PRKN: variants seen among roughly 807,000 people sequenced by gnomAD.
PRKN encodes parkin RBR E3 ubiquitin protein ligase.
In PRKN, 56 loss-of-function variants were observed where a neutral mutation model predicts 59.5. The ratio of observed to expected loss-of-function variants is 0.94; its 90% CI spans 0.76 to 1.18. The LOEUF is 1.18. Ranked by LOEUF, PRKN falls within the 50% of genes most tolerant of loss-of-function variation. The pLI is 0.00. For synonymous variants in PRKN, 250 were observed against 222.1 expected, an observed-to-expected ratio of 1.13 and a Z score of -1.12; for missense variants, 657 against 596.4, an observed-to-expected ratio of 1.10 and a Z score of -1.06.
chr6:162,074,905 A>G (rs1361277645), intron 4 of PRKN, among the ~76,000 whole-genome samples: 3 of 152,232 alleles, frequency 2.0e-5, no homozygotes, highest in African/African-American at 7.2e-5. Flanking sequence ...GGTACATCAC[A>G]GGGATAGCAG....
chr6:161,508,156 T>C (rs1256808787), intron 9 of PRKN, among the ~76,000 whole-genome samples: 1 of 152,214 alleles, frequency 6.6e-6, no homozygotes, highest in Non-Finnish European at 1.5e-5. Flanking sequence ...AATGATTGCA[T>C]GAATAGCTGA....
chr6:162,493,151 C>A lies in PRKN; in HGVS notation c.8-49678G>T, dbSNP rs547838691. On this transcript the variant is annotated intron_variant, in intron 1 of 11. Transcript: ENST00000366898. ...GGCCAGCAGGATAAAAATCAATGGA[C>A]ATTTCTATCGCCAACCTGCTGCAGC... Among the ~76,000 whole-genome samples, 6 of 152,208 alleles carry A rather than the reference C, an allele frequency of 3.9e-5. No individual in the cohort carries two copies. In the East Asian group the frequency reaches 7.7e-4, roughly 20 times the overall value.
At chr6:161,890,426 C>T (rs943306807) in intron 6 of PRKN, among the ~76,000 whole-genome samples, 1 of 152,176 alleles carries the variant, frequency 6.6e-6, no homozygotes, top group African/African-American at 2.4e-5. Context: ...AGATTTCAGA[C>T]TCTGGGGTTC....
At position 162,450,885 on chromosome 6, in the gene PRKN, G is replaced by A. The variant is rs893308187; in HGVS notation, c.8-7412C>T. ...AATTTTAGTTAATAAGAATGTATCA[G>A]CATTCTTTCATTAATGATAACAGAT... On this transcript the variant is annotated intron_variant, in intron 1 of 11. Transcript: ENST00000366898. 4.6e-5 allele frequency among the ~76,000 whole-genome samples: 7 copies of A among 152,256 alleles called. No homozygotes were observed. In the Middle Eastern group the frequency reaches 0.014, roughly 296 times the overall value.
intron 1 of PRKN, among the ~76,000 whole-genome samples, chr6:162,720,227 A>AT (rs1778882144): frequency 6.6e-6 from 1 of 152,114 alleles, no homozygotes; most frequent in South Asian, 2.1e-4. Context: ...CTAATCACCA[A>AT]TTTTCCCCCT....
intron 2 of PRKN, 33 bp downstream of exon 2, chr6:162,443,277 G>T: frequency 6.2e-7 from 1 of 1,610,054 alleles, no homozygotes; most frequent in Non-Finnish European, 8.5e-7. Context: ...GGAGCTGGCG[G>T]CATCCCAAGA....
At chr6:161,515,498 A>G (rs12527036) in intron 9 of PRKN, among the ~76,000 whole-genome samples, 5,462 of 152,300 alleles carry the variant, frequency 0.036, 140 homozygotes, top group Non-Finnish European at 0.052. Context: ...TGCTTAGGCT[A>G]TGAGAAGCTG....
At chr6:162,558,701 T>G (rs9458590) in intron 1 of PRKN, among the ~76,000 whole-genome samples, 4 of 150,630 alleles carry the variant, frequency 2.7e-5, no homozygotes, top group African/African-American at 9.8e-5. Flanking sequence ...TGCAGTGGAG[T>G]GATCTTAGCC....
At chr6:162,158,875 T>C (rs1007529181) in intron 4 of PRKN, among the ~76,000 whole-genome samples, 3 of 152,022 alleles carry the variant, frequency 2.0e-5, no homozygotes, top group African/African-American at 7.3e-5. Context: ...ATTCCACCCC[T>C]GTAGCTAGTG....
intron 3 of PRKN, among the ~76,000 whole-genome samples, chr6:162,235,166 G>A (rs1778596373): frequency 6.6e-6 from 1 of 152,112 alleles, no homozygotes; most frequent in Non-Finnish European, 1.5e-5. Context: ...AAAATATGAA[G>A]AACCAAAACT....
At chr6:161,814,296 C>T (rs952145507) in intron 6 of PRKN, among the ~76,000 whole-genome samples, 10 of 152,150 alleles carry the variant, frequency 6.6e-5, no homozygotes, top group Non-Finnish European at 1.3e-4. Flanking sequence ...AACGGTGCCA[C>T]CTGAAGCATA....
intron 1 of PRKN, among the ~76,000 whole-genome samples, chr6:162,490,576 TTTTTC>T (rs1361678245): frequency 6.6e-5 from 10 of 152,204 alleles, no homozygotes; most frequent in African/African-American, 2.4e-4. Context: ...TATTCTACCT[TTTTTC>T]TTTAAGAAAA....
chr6:161,572,824 C>T (rs1009016998), intron 7 of PRKN, among the ~76,000 whole-genome samples: 1 of 152,130 alleles, frequency 6.6e-6, no homozygotes, highest in Non-Finnish European at 1.5e-5. Flanking sequence ...CTAGAGACCA[C>T]GGAGACTTGC....
intron 1 of PRKN, among the ~76,000 whole-genome samples, chr6:162,461,490 A>G (rs1341495632): frequency 2.8e-5 from 3 of 106,114 alleles, no homozygotes; most frequent in African/African-American, 1.0e-4. Context: ...GGACAGAGTT[A>G]AAGTGTCTCA....
chr6:161,586,870 A>G (rs1781540244), intron 7 of PRKN, among the ~76,000 whole-genome samples: 1 of 152,250 alleles, frequency 6.6e-6, no homozygotes, highest in Admixed American at 6.5e-5. Flanking sequence ...CAGAGCAACA[A>G]CAACCAATTA....
chr6:162,369,591 A>G (rs1386277254), intron 2 of PRKN, among the ~76,000 whole-genome samples: 1 of 152,188 alleles, frequency 6.6e-6, no homozygotes, highest in Non-Finnish European at 1.5e-5. Flanking sequence ...TTTACTCACA[A>G]AGAGAAAAAA....
intron 11 of PRKN, among the ~76,000 whole-genome samples, chr6:161,358,362 CTTG>C (rs10585136): frequency 0.25 from 37,474 of 151,852 alleles, 5,233 homozygotes; most frequent in African/African-American, 0.39. Flanking sequence ...GTAATCCCAG[CTTG>C]GCTTTGGGAG....
At chr6:162,019,075 T>A (rs1168668672) in intron 5 of PRKN, among the ~76,000 whole-genome samples, 1 of 152,142 alleles carries the variant, frequency 6.6e-6, no homozygotes, top group African/African-American at 2.4e-5. Context: ...CATACAACAT[T>A]TCAGGAAGAG....
At chr6:162,467,612 CAG>C (rs1213527480) in intron 1 of PRKN, among the ~76,000 whole-genome samples, 9 of 152,154 alleles carry the variant, frequency 5.9e-5, no homozygotes, top group African/African-American at 2.2e-4. Flanking sequence ...TCTTTTGAAT[CAG>C]AGCAATACTC....
Sources: allele counts gnomAD v4.1 joint callset (sites outside exome capture counted in the v4.1 genomes callset), GRCh38; gene constraint gnomAD v4.1.1; transcripts MANE v1.5; gene names NCBI Gene and HGNC (gene_info 2026-07-23, HGNC 2026-07-21).